The following MFSD11 variants were observed in gnomAD, a reference collection of about 807,000 sequenced individuals.
MFSD11 encodes UNC93-like protein MFSD11.
Under a neutral mutation model 53.5 loss-of-function variants are expected in MFSD11, and 36 were observed. The ratio of observed to expected loss-of-function variants is 0.67; its 90% CI spans 0.52 to 0.89. MFSD11 has a LOEUF of 0.89. Ranked by LOEUF, MFSD11 falls within the 40% of genes least tolerant of loss-of-function variation. MFSD11 has a pLI of 0.00. For synonymous variants in MFSD11, 186 were observed against 184.9 expected, an observed-to-expected ratio of 1.01 and a Z score of -0.05; for missense variants, 530 against 543.9, an observed-to-expected ratio of 0.97 and a Z score of 0.25.
At chr17:76,793,490 T>A in the MFSD11 span, among the ~76,000 whole-genome samples, 7 of 151,520 alleles carry the variant, frequency 4.6e-5, no homozygotes, top group Admixed American at 6.6e-5. Flanking sequence ...TGTTCTTTTT[T>A]CAAGGTGCCC....
chr17:76,791,800 C>T, the MFSD11 span, among the ~76,000 whole-genome samples: 1 of 148,236 alleles, frequency 6.7e-6, no homozygotes, highest in African/African-American at 2.5e-5. Context: ...CAGAATGAAG[C>T]GCTTTGGGTT....
intron 2 of MFSD11, among the ~76,000 whole-genome samples, chr17:76,739,915 C>T (rs1176183078): frequency 5.9e-5 from 9 of 151,924 alleles, no homozygotes; most frequent in Non-Finnish European, 1.3e-4. Context: ...GCCTGTAATC[C>T]CAGCGCTTTG....
chr17:76,795,255 G>A, the MFSD11 span, among the ~76,000 whole-genome samples: 1 of 147,984 alleles, frequency 6.8e-6, no homozygotes, highest in Admixed American at 6.9e-5. Flanking sequence ...GCTGAGGCGG[G>A]CGGATCACCC....
At chr17:76,801,478 A>G in the MFSD11 span, among the ~76,000 whole-genome samples, 1 of 131,290 alleles carries the variant, frequency 7.6e-6, no homozygotes, top group Admixed American at 8.7e-5. Flanking sequence ...ACCAAGTCTC[A>G]CTCTGTCACC....
intron 10 of MFSD11, among the ~76,000 whole-genome samples, chr17:76,771,349 A>AT (rs1370427609): frequency 6.6e-6 from 1 of 152,198 alleles, no homozygotes; most frequent in Non-Finnish European, 1.5e-5. Context: ...CCAAATATGT[A>AT]TTTTTATTAT....
intron 8 of MFSD11, among the ~76,000 whole-genome samples, chr17:76,754,854 G>A (rs765025740): frequency 4.6e-5 from 7 of 151,952 alleles, no homozygotes; most frequent in Admixed American, 3.9e-4. Context: ...ACAATTCTAC[G>A]AGTATTATAT....
the MFSD11 span, among the ~76,000 whole-genome samples, chr17:76,793,067 G>A: frequency 2.6e-5 from 4 of 151,520 alleles, no homozygotes; most frequent in East Asian, 1.9e-4. Context: ...GAGGCAGGGC[G>A]AGATCACAGG....
At position 76,779,254 on chromosome 17, in the gene MFSD11, C is replaced by CAAAAAAAAAAAAAAAAAAAAAAAAAAAA; in HGVS notation, c.*922_*923insAAAAAAAAAAAAAAAAAAAAAAAAAAAA. 1 of 48,850 alleles carries CAAAAAAAAAAAAAAAAAAAAAAAAAAAA rather than the reference C, an allele frequency of 2.0e-5. No homozygotes were observed. The allele number at this position is 48,850 out of a possible 1,614,324, so 3.0% of individuals were successfully genotyped here. On this transcript the variant is annotated 3_prime_UTR_variant, in exon 13 of 13. Coordinates refer to ENST00000685175, the MANE Select transcript of MFSD11 (RefSeq NM_001242532.5). ...GGATGACAAGAGTGAAACTCCATCT[C>CAAAAAAAAAAAAAAAAAAAAAAAAAAAA]AAAAAAAAAAAAAAAAAAAAGAAAA...
chr17:76,783,452 G>T (rs987369696), downstream of MFSD11, among the ~76,000 whole-genome samples: 2 of 152,210 alleles, frequency 1.3e-5, no homozygotes, highest in Admixed American at 6.6e-5. Context: ...ACCCCAACTT[G>T]AACGCCTTTA....
intron 8 of MFSD11, among the ~76,000 whole-genome samples, chr17:76,756,315 G>T (rs905419849): frequency 6.7e-6 from 1 of 150,132 alleles, no homozygotes; most frequent in East Asian, 2.0e-4. Flanking sequence ...GTAGAGACAG[G>T]GTTTCTCCAT....
At chr17:76,755,762 ATATG>A (rs1182965184) in intron 8 of MFSD11, among the ~76,000 whole-genome samples, 1 of 107,026 alleles carries the variant, frequency 9.3e-6, no homozygotes, top group African/African-American at 3.1e-5. Flanking sequence ...GTATATGTAT[ATATG>A]TACGTGTGTG....
At chr17:76,789,105 G>A in the MFSD11 span, among the ~76,000 whole-genome samples, 59 of 150,176 alleles carry the variant, frequency 3.9e-4, 4 homozygotes, top group Middle Eastern at 3.4e-3. Flanking sequence ...TCACACCATT[G>A]CACTCCAGCC....
chr17:76,782,474 C>CTTTT (rs33999736), downstream of MFSD11, among the ~76,000 whole-genome samples: 110 of 76,188 alleles, frequency 1.4e-3, 5 homozygotes, highest in Admixed American at 1.8e-3. Context: ...CGCGCCCAGG[C>CTTTT]TTTTTTTTTT....
the MFSD11 span, among the ~76,000 whole-genome samples, chr17:76,792,106 A>G: frequency 7.1e-6 from 1 of 140,472 alleles, no homozygotes; most frequent in Non-Finnish European, 1.5e-5. Context: ...TTGAGTGCTT[A>G]CCTACATACC....
At chr17:76,769,981 A>G in intron 10 of MFSD11, 110 bp downstream of exon 10, 1 of 902,174 alleles carries the variant, frequency 1.1e-6, no homozygotes. Flanking sequence ...TTTTCTACTT[A>G]TTTTTACCCA....
At chr17:76,765,876 C>T (rs1002966644) in intron 8 of MFSD11, among the ~76,000 whole-genome samples, 2 of 151,448 alleles carry the variant, frequency 1.3e-5, no homozygotes, top group African/African-American at 2.4e-5. Context: ...CCATGTGGCC[C>T]CTATACCACA....
the MFSD11 span, among the ~76,000 whole-genome samples, chr17:76,795,362 G>GCCTGTAATC: frequency 6.6e-6 from 1 of 150,948 alleles, no homozygotes; most frequent in Non-Finnish European, 1.5e-5. Context: ...GGTGGCGTGA[G>GCCTGTAATC]CCTGTAATCC....
At chr17:76,750,807 C>T (rs529084992) in intron 7 of MFSD11, among the ~76,000 whole-genome samples, 5 of 138,010 alleles carry the variant, frequency 3.6e-5, no homozygotes, top group Admixed American at 7.2e-5. Flanking sequence ...GAAATGTAAT[C>T]TTTTTTTTTT....
At chr17:76,783,031 G>T (rs1166818346), downstream of MFSD11, among the ~76,000 whole-genome samples, 2 of 151,666 alleles carry the variant, frequency 1.3e-5, no homozygotes, top group Admixed American at 6.6e-5. Context: ...ACAAAAATTA[G>T]CCAAGTGTGG....
Sources: gnomAD v4.1 joint callset for allele counts (sites outside exome capture counted in the v4.1 genomes callset) on GRCh38, gnomAD v4.1.1 for gene constraint, MANE v1.5 for transcripts, NCBI Gene and HGNC (gene_info 2026-07-23, HGNC 2026-07-21) for gene names.